MAX: variants seen among roughly 807,000 people sequenced by gnomAD.
The protein encoded by MAX is MYC associated transcriptional regulator X.
Under a neutral mutation model 22.3 loss-of-function variants are expected in MAX, and 3 were observed. That is an observed-to-expected ratio of 0.13 (90% confidence interval 0.06 to 0.35). MAX has a LOEUF of 0.35. MAX is among the 10% of genes least tolerant of loss of function. The pLI is 1.00. For missense variants in MAX, 119 were observed against 209.4 expected (o/e 0.57, Z 2.66); for synonymous variants, 72 against 77.7 (o/e 0.93, Z 0.39).
intron 3 of MAX, among the ~76,000 whole-genome samples, chr14:65,049,355 CTT>C (rs1283721909): frequency 6.6e-6 from 1 of 152,104 alleles, no homozygotes; most frequent in Non-Finnish European, 1.5e-5. Context: ...TGTGGAAAGA[CTT>C]TTGATTTTTT....
At chr14:65,061,148 G>T in intron 3 of MAX, 1 of 1,612,720 alleles carries the variant, frequency 6.2e-7, no homozygotes, top group South Asian at 1.1e-5. Flanking sequence ...GACCACCGGG[G>T]TGATTAACTG....
intron 2 of MAX, among the ~76,000 whole-genome samples, chr14:65,095,251 C>G (rs2063628687): frequency 6.6e-6 from 1 of 152,226 alleles, no homozygotes; most frequent in African/African-American, 2.4e-5. Context: ...CCATGACAAC[C>G]ATGGTTCTCC....
Position 65,075,861 on chromosome 14 carries a change from ACT to A in MAX, c.*613_*614del, listed in dbSNP as rs2063044130. 1 of 1,066,814 alleles carries A rather than the reference ACT, an allele frequency of 9.4e-7. No homozygotes were observed. The highest frequency in any genetic ancestry group is 1.6e-5 in the African/African-American group (1 of 60,816). The allele number at this position is 1,066,814 out of a possible 1,614,324, so 66.1% of individuals were successfully genotyped here. ...GAAGCAGGAGTGAAACATGCCAGCGACTCTGTGCTGCGAATCTGTCCCCACTT... is the reference window on the plus strand; with the variant it reads ...GAAGCAGGAGTGAAACATGCCAGCGACTGTGCTGCGAATCTGTCCCCACTT... On this transcript the variant is annotated 3_prime_UTR_variant, in exon 5 of 5. Transcript: ENST00000358664. This position sits in a 1 kb window ranked among gnomAD's most constrained non-coding sequence, Gnocchi z 4.1.
rs375863801 is a variant in MAX at position 65,043,715 on chromosome 14, G to A, written c.172-37431C>T. Among the ~76,000 whole-genome samples, 1,054 of 151,098 alleles carry A rather than the reference G, an allele frequency of 7.0e-3. 10 individuals are homozygous for A. The highest frequency in any genetic ancestry group is 0.024 in the African/African-American group (990 of 41,204). ...CGGGCGCCTGTGGTCCCAGCTACTC[G>A]GGAGGCTGAGGCAGGAGAATGGCGT... On this transcript the variant is annotated intron_variant, in intron 3 of 3. Coordinates refer to the MAX transcript ENST00000341653.
chr14:65,075,836 G>A lies in MAX; in HGVS notation c.*640C>T. ...CGCAGGCTTAAACAGCTGGCTGAGA[G>A]AAGCAGGAGTGAAACATGCCAGCGA... On this transcript the variant is annotated 3_prime_UTR_variant, in exon 5 of 5. Coordinates refer to ENST00000358664, the MANE Select transcript of MAX (RefSeq NM_002382.5). This position sits in a 1 kb window ranked among gnomAD's most constrained non-coding sequence, Gnocchi z 4.1. 9.4e-7 allele frequency: 1 copy of A among 1,062,462 alleles called. No homozygotes were observed. Among genetic ancestry groups the A allele is most frequent in the Non-Finnish European group, 1.1e-6 (1 of 877,348 alleles). The allele number at this position is 1,062,462 out of a possible 1,614,324, so 65.8% of individuals were successfully genotyped here.
chr14:65,016,092 A>G (rs2061767864), intron 3 of MAX, among the ~76,000 whole-genome samples: 1 of 152,206 alleles, frequency 6.6e-6, no homozygotes. Flanking sequence ...CCAGTGAACA[A>G]AAATGCCTTT....
intron 3 of MAX, among the ~76,000 whole-genome samples, chr14:65,008,992 T>C (rs1378228963): frequency 1.3e-5 from 2 of 152,154 alleles, no homozygotes; most frequent in Non-Finnish European, 2.9e-5. Context: ...CATCCCACCC[T>C]GCACCCCCTC....
chr14:65,086,561 GC>G (rs1178655397), intron 3 of MAX, among the ~76,000 whole-genome samples: 6 of 152,178 alleles, frequency 3.9e-5, no homozygotes, highest in African/African-American at 7.2e-5. Flanking sequence ...GCAGCATTTT[GC>G]CCCTACGCTA....
chr14:65,065,190 C>T (rs1375474062), intron 3 of MAX, among the ~76,000 whole-genome samples: 2 of 152,158 alleles, frequency 1.3e-5, no homozygotes, highest in African/African-American at 2.4e-5. Context: ...TGGCCTGGGC[C>T]TCCTATAACC....
chr14:65,036,026 T>A (rs977996384), intron 3 of MAX, among the ~76,000 whole-genome samples: 14 of 151,942 alleles, frequency 9.2e-5, no homozygotes, highest in Non-Finnish European at 4.4e-5. Context: ...AAAGACAGAG[T>A]CTCACTGTGT....
Position 65,018,718 on chromosome 14 carries a change from G to A in MAX, c.172-12434C>T, listed in dbSNP as rs144591967. Among the ~76,000 whole-genome samples the A allele has an allele frequency of 3.2e-3, 482 of 150,782 alleles. 2 individuals are homozygous for A. The highest frequency in any genetic ancestry group is 0.011 in the African/African-American group (452 of 41,014). On this transcript the variant is annotated intron_variant, in intron 3 of 3. Transcript: ENST00000341653. ...CCAGCTACTCGGGAGACTAAGGCAG[G>A]AGAATTGCTTGAATCTGGGAGGTGG...
chr14:65,081,874 G>A (rs1387537581), intron 3 of MAX, among the ~76,000 whole-genome samples: 2 of 152,134 alleles, frequency 1.3e-5, no homozygotes, highest in Non-Finnish European at 2.9e-5. Flanking sequence ...GTAAGCAAAC[G>A]CAAAGGGCTC....
intron 3 of MAX, among the ~76,000 whole-genome samples, chr14:65,035,505 C>CT (rs1181270027): frequency 2.0e-5 from 3 of 151,920 alleles, no homozygotes; most frequent in African/African-American, 7.3e-5. Flanking sequence ...CTCTTCTCTT[C>CT]CTTCTTTCTT....
In MAX at chr14:65,027,640, C is replaced by A; in HGVS notation, c.172-21356G>T. 6.2e-7 allele frequency: 1 copy of A among 1,614,014 alleles called. No individual in the cohort carries two copies. The highest frequency in any genetic ancestry group is 1.3e-5 in the African/African-American group (1 of 75,050). On this transcript the variant is annotated intron_variant, in intron 3 of 3. Transcript: ENST00000341653. The surrounding 1 kb of genome is among the most constrained non-coding windows in gnomAD (Gnocchi z 5.7). ...GCAGTGACAGAAACCTAGAGGAGTT[C>A]CCCGCCTGCTGACACGCACTGACTG... is the stretch of plus-strand genomic sequence containing the variant.
At chr14:65,068,761 G>A (rs2062957198) in intron 3 of MAX, among the ~76,000 whole-genome samples, 1 of 151,962 alleles carries the variant, frequency 6.6e-6, no homozygotes, top group African/African-American at 2.4e-5. Flanking sequence ...GTTGATAATT[G>A]TTCACACTAT....
intron 3 of MAX, among the ~76,000 whole-genome samples, chr14:65,059,837 C>CTTTTTTTTTTT (rs34459085): frequency 7.4e-6 from 1 of 134,242 alleles, no homozygotes; most frequent in African/African-American, 2.8e-5. Flanking sequence ...GTCCTTTTTT[C>CTTTTTTTTTTT]TTTTTTTTTT....
rs1192832385 is a variant in MAX at position 65,082,108 on chromosome 14, C to T, written c.172-4072G>A. On this transcript the variant is annotated intron_variant, in intron 3 of 4. Coordinates refer to ENST00000358664, the MANE Select transcript of MAX (RefSeq NM_002382.5). The surrounding 1 kb of genome is among the most constrained non-coding windows in gnomAD (Gnocchi z 4.8). ...TTTTATAAATGAGGAAACCGAGACA[C>T]AGAGCTGTAATTTACCCAATGTTAT... The T allele has an allele frequency of 6.6e-6, 1 of 152,132 alleles. No homozygotes were observed. The highest frequency in any genetic ancestry group is 1.5e-5 in the Non-Finnish European group (1 of 68,014). 9.4% of individuals were successfully genotyped at this position (152,132 alleles called of 1,614,324 possible).
chr14:65,040,484 G>T (rs753038133), intron 3 of MAX, among the ~76,000 whole-genome samples: 1 of 151,580 alleles, frequency 6.6e-6, no homozygotes, highest in East Asian at 1.9e-4. Context: ...TCTTTCACCC[G>T]GGCTGGAGCA....
At chr14:65,102,183 C>T in intron 1 of MAX, 121 bp downstream of exon 1, 1 of 1,542,816 alleles carries the variant, frequency 6.5e-7, no homozygotes, top group Admixed American at 1.9e-5. Flanking sequence ...CTCCTGGCCC[C>T]GAGGGGAAGG....
Sources: gnomAD v4.1 joint callset for allele counts (sites outside exome capture counted in the v4.1 genomes callset) on GRCh38, gnomAD v4.1.1 for gene constraint, Gnocchi (gnomAD v3.1) non-coding constraint, MANE v1.5 for transcripts, NCBI Gene and HGNC (gene_info 2026-07-23, HGNC 2026-07-21) for gene names.